SUN1: variants seen among roughly 807,000 people sequenced by gnomAD.
SUN1 encodes Sad1 and UNC84 domain containing 1.
Under a neutral mutation model 103.2 loss-of-function variants are expected in SUN1, and 61 were observed. The observed-to-expected ratio is 0.59, with a 90% CI of 0.48 to 0.73. The LOEUF (loss-of-function observed/expected upper bound fraction) is 0.73. Ranked by LOEUF, SUN1 falls within the 30% of genes least tolerant of loss-of-function variation. The probability of loss-of-function intolerance (pLI) is 0.00; values close to 1 mark genes in which losing one functional copy is unlikely to be tolerated. For missense variants in SUN1, 1,052 were observed against 1,034.6 expected (o/e 1.02, Z -0.23); for synonymous variants, 490 against 425.7 (o/e 1.15, Z -1.86).
upstream of SUN1, among the ~76,000 whole-genome samples, chr7:829,259 C>CAAG: frequency 6.6e-6 from 1 of 152,320 alleles, no homozygotes; most frequent in East Asian, 1.9e-4. Flanking sequence ...GCCTCCTCTT[C>CAAG]ACATGGGAAG....
In SUN1 at chr7:838,960, T is replaced by G. The variant is rs749640640; in HGVS notation, c.240T>G (p.Ala80=). 6.2e-7 allele frequency: 1 copy of G among 1,602,552 alleles called. No individual in the cohort carries two copies. Among genetic ancestry groups the G allele is most frequent in the Non-Finnish European group, 8.5e-7 (1 of 1,175,542 alleles). ...AVGADSGTSS[A]VSLKNRAART... The stretch of plus-strand genomic sequence containing the variant: ...GTGCCGACAGCGGCACCAGCAGCGC[T>G]GTCTCCCTGAAGAACCGAGCGGCCA... Residue 80 remains alanine (A), a synonymous_variant, in exon 2 of 19, where the codon GCT becomes GCG. Transcript: ENST00000401592.
intron 15 of SUN1, 112 bp downstream of exon 15, chr7:861,576 T>C: frequency 2.0e-6 from 2 of 1,010,162 alleles, no homozygotes; most frequent in Non-Finnish European, 3.1e-6. Flanking sequence ...TCCTAACTTT[T>C]AAACATCTGA....
chr7:867,130 C>T (rs1023388164), intron 16 of SUN1, among the ~76,000 whole-genome samples: 28 of 152,172 alleles, frequency 1.8e-4, no homozygotes, highest in Non-Finnish European at 2.4e-4. Flanking sequence ...TGATCTCGTC[C>T]CCAGGCTGCC....
At chr7:843,050 A>G in intron 3 of SUN1, 156 bp from the exon 4 acceptor site, 1 of 1,053,058 alleles carries the variant, frequency 9.5e-7, no homozygotes, top group Non-Finnish European at 1.4e-6. Flanking sequence ...GTATCTGCAT[A>G]TATCTGGAGG....
At chr7:869,908 C>T (rs938177581) in intron 17 of SUN1, among the ~76,000 whole-genome samples, 16 of 152,088 alleles carry the variant, frequency 1.1e-4, no homozygotes, top group African/African-American at 3.1e-4. Context: ...GTTTCTTCAC[C>T]ATGCCTTTAA....
rs930036015 is a variant in SUN1 at position 866,294 on chromosome 7, G to A, written c.1980+227G>A. Among the ~76,000 whole-genome samples, 6 of 152,302 alleles carry A rather than the reference G, an allele frequency of 3.9e-5. No homozygotes were observed. The South Asian group carries it at 6.2e-4, about 16-fold the overall frequency. On this transcript the variant is annotated intron_variant, in intron 16 of 18. Transcript: ENST00000401592. ...GGTTTAGCGTCACACAGATGGGACC[G>A]TGTGGCACATGCTGGTCCTGTCAGC...
chr7:828,922 C>G (rs996547233), upstream of SUN1, among the ~76,000 whole-genome samples: 2 of 152,234 alleles, frequency 1.3e-5, no homozygotes, highest in African/African-American at 2.4e-5. Context: ...AGCTCCTATT[C>G]TCAGCATCCT....
chr7:839,193 G>C, intron 2 of SUN1: 1 of 488,612 alleles, frequency 2.0e-6, no homozygotes, highest in Non-Finnish European at 3.5e-6. Context: ...TGTGTGGCTT[G>C]TCTAGTATTG....
upstream of SUN1, among the ~76,000 whole-genome samples, chr7:831,535 G>T (rs1042511275): frequency 2.0e-5 from 3 of 152,200 alleles, no homozygotes; most frequent in African/African-American, 7.2e-5. Context: ...CTCCCAAAGT[G>T]CTGGGATTCC....
chr7:852,359 G>T (rs1584880170), intron 7 of SUN1: 11 of 603,630 alleles, frequency 1.8e-5, no homozygotes, highest in Non-Finnish European at 2.3e-5. Context: ...GCTGTGATCC[G>T]AAGGGGCAGC....
chr7:818,870 CT>C (rs60200782), intron 1 of SUN1, among the ~76,000 whole-genome samples: 56,723 of 148,016 alleles, frequency 0.38, 10,892 homozygotes, highest in African/African-American at 0.46. Flanking sequence ...CCCTCCCCCC[CT>C]TTTTTTTTTT....
intron 10 of SUN1, among the ~76,000 whole-genome samples, chr7:854,648 C>CGG (rs1195899119): frequency 6.6e-6 from 1 of 152,182 alleles, no homozygotes; most frequent in Non-Finnish European, 1.5e-5. Context: ...GAGGCCGAGG[C>CGG]GGGAGGGTCA....
intron 5 of SUN1, among the ~76,000 whole-genome samples, chr7:845,097 G>A (rs1814104228): frequency 6.6e-6 from 1 of 152,186 alleles, no homozygotes; most frequent in Admixed American, 6.5e-5. Flanking sequence ...ACAGATAATT[G>A]AGAGAAGCCA....
Position 817,196 on chromosome 7 carries a change from G to A in SUN1, c.-74+523G>A, listed in dbSNP as rs1451127340. On this transcript the variant is annotated intron_variant, in intron 1 of 17. Coordinates refer to the SUN1 transcript ENST00000389574. ...GCTGGTCTCGACCTCCTGAGCGCGA[G>A]CTATCCTCCCGCCTCCGCCTCCCGA... 1.8e-5 allele frequency: 10 copies of A among 557,748 alleles called. No homozygotes were observed. In the East Asian group the frequency reaches 2.2e-4, roughly 12 times the overall value. 34.5% of individuals were successfully genotyped at this position (557,748 alleles called of 1,614,324 possible).
At chr7:837,756 A>T (rs1804858982) in intron 1 of SUN1, among the ~76,000 whole-genome samples, 1 of 152,196 alleles carries the variant, frequency 6.6e-6, no homozygotes, top group Admixed American at 6.5e-5. Flanking sequence ...TCCTGTCTCC[A>T]CTGGACACTG....
rs772936422 is a variant in SUN1, at chr7:851,407, C to T, written c.682C>T (p.Arg228Cys). ...AGGTTACTTCTTGCTGCAGATTCTGCGCAGGATCGGAGCTGTGGGCCAGGC... is the reference window on the plus strand; with the variant it reads ...AGGTTACTTCTTGCTGCAGATTCTGTGCAGGATCGGAGCTGTGGGCCAGGC... ...QKCYFLLQIL[R>C]RIGAVGQAVS... Residue 228 changes from arginine (R) to cysteine (C), a missense_variant, in exon 6 of 19, where the codon CGC (arginine) becomes TGC (cysteine). Physicochemically the swap from Arg to Cys is radical, Grantham distance 180. Transcript: ENST00000401592. The T allele has an allele frequency of 6.7e-5, 107 of 1,607,500 alleles. 1 individual carries two copies. Among genetic ancestry groups the T allele is most frequent in the South Asian group, 5.2e-4 (47 of 89,632 alleles).
At position 873,244 on chromosome 7, in the gene SUN1, A is replaced by G. The variant is rs1221855051; in HGVS notation, c.2271A>G (p.Ile757Met). 6.8e-6 allele frequency: 11 copies of G among 1,614,256 alleles called. No homozygotes were observed. The highest frequency in any genetic ancestry group is 8.5e-6 in the Non-Finnish European group (10 of 1,180,034). Residue 757 changes from isoleucine to methionine, a missense_variant, in exon 19 of 19, where the codon ATA (isoleucine) becomes ATG (methionine). Ile to Met is a conservative substitution (Grantham distance 10, BLOSUM62 1). Around this residue, in one of 2 missense-constraint regions of SUN1, gnomAD observed 206 missense variants for 260.1 expected, o/e 0.79. Coordinates refer to ENST00000401592, the MANE Select transcript of SUN1 (RefSeq NM_001130965.3). ...GACCCGACGACACAGCTTTCCAAAT[A>G]GTGGAACTTCGGATTTTTTCTAACT... is the stretch of plus-strand genomic sequence containing the variant. ...LKRPDDTAFQIVELRIFSNWG... is the reference protein window; with the variant it reads ...LKRPDDTAFQMVELRIFSNWG...
intron 1 of SUN1, among the ~76,000 whole-genome samples, chr7:818,112 A>G (rs1235880527): frequency 6.6e-6 from 1 of 152,208 alleles, no homozygotes; most frequent in African/African-American, 2.4e-5. Context: ...CACGTAACGT[A>G]AAACAACATC....
chr7:828,221 C>T (rs1326293467), upstream of SUN1, among the ~76,000 whole-genome samples: 1 of 151,200 alleles, frequency 6.6e-6, no homozygotes, highest in African/African-American at 2.4e-5. Flanking sequence ...ATTTTAAAAC[C>T]CTGCTAGGAT....
Sources: gnomAD v4.1 joint callset for allele counts (sites outside exome capture counted in the v4.1 genomes callset) on GRCh38, gnomAD v4.1.1 for gene constraint, gnomAD v4.1.1 regional missense constraint, MANE v1.5 for transcripts, NCBI Gene and HGNC (gene_info 2026-07-23, HGNC 2026-07-21) for gene names.